Variants in TOP6BL observed in about 807,000 individuals in gnomAD.
The protein encoded by TOP6BL is type 2 DNA topoisomerase 6 subunit B-like.
chr11:66,792,027 G>T, the TOP6BL span, among the ~76,000 whole-genome samples: 1 of 152,104 alleles, frequency 6.6e-6, no homozygotes, highest in African/African-American at 2.4e-5. Flanking sequence ...TAGCCAGATG[G>T]TCTCGATCTT....
the TOP6BL span, among the ~76,000 whole-genome samples, chr11:66,794,289 A>G: frequency 2.0e-5 from 3 of 151,982 alleles, no homozygotes; most frequent in Non-Finnish European, 2.9e-5. Flanking sequence ...CCAACAATAA[A>G]AACCTACTGA....
At chr11:66,772,121 CTT>C in the TOP6BL span, among the ~76,000 whole-genome samples, 1 of 152,028 alleles carries the variant, frequency 6.6e-6, no homozygotes, top group South Asian at 2.1e-4. Context: ...TTATGGATGA[CTT>C]TGAGGGGTTC....
the TOP6BL span, among the ~76,000 whole-genome samples, chr11:66,755,544 G>C: frequency 6.6e-6 from 1 of 152,146 alleles, no homozygotes; most frequent in East Asian, 1.9e-4. Flanking sequence ...GAAAATAAAC[G>C]TGTGTGTTCA....
the TOP6BL span, chr11:66,771,739 G>C: frequency 6.3e-6 from 1 of 158,140 alleles, no homozygotes; most frequent in Admixed American, 6.5e-5. Context: ...GGAGATGGCC[G>C]AGAAGATGGT....
the TOP6BL span, among the ~76,000 whole-genome samples, chr11:66,834,391 A>G: frequency 6.6e-6 from 1 of 152,182 alleles, no homozygotes; most frequent in Non-Finnish European, 1.5e-5. Context: ...TCCTCTGGTA[A>G]TGGCCATTTA....
chr11:66,791,676 GC>G, the TOP6BL span, among the ~76,000 whole-genome samples: 4 of 152,204 alleles, frequency 2.6e-5, no homozygotes, highest in African/African-American at 9.6e-5. Context: ...GCTGTGCACG[GC>G]TGGCAGCATC....
At chr11:66,814,874 T>G in the TOP6BL span, among the ~76,000 whole-genome samples, 1 of 152,112 alleles carries the variant, frequency 6.6e-6, no homozygotes, top group Non-Finnish European at 1.5e-5. Context: ...CACACCAGCT[T>G]TGGGTGAATC....
At chr11:66,803,459 C>T in the TOP6BL span, among the ~76,000 whole-genome samples, 3 of 152,124 alleles carry the variant, frequency 2.0e-5, no homozygotes, top group Non-Finnish European at 4.4e-5. Context: ...GACAAAGTCT[C>T]GCTCTGTTGC....
chr11:66,758,194 T>C, the TOP6BL span: 3 of 935,006 alleles, frequency 3.2e-6, no homozygotes, highest in Non-Finnish European at 3.8e-6. Context: ...TGGTGCCTGC[T>C]TCCTTATTCA....
chr11:66,802,640 G>A, the TOP6BL span, among the ~76,000 whole-genome samples: 1 of 152,068 alleles, frequency 6.6e-6, no homozygotes, highest in Admixed American at 6.6e-5. Context: ...CTATTTATGT[G>A]CCCAGAGGCA....
At chr11:66,838,296 G>A in the TOP6BL span, 4 of 1,370,474 alleles carry the variant, frequency 2.9e-6, no homozygotes, top group Non-Finnish European at 4.1e-6. Flanking sequence ...AAGCCACCAG[G>A]CACACTCCTG....
chr11:66,792,542 A>T, the TOP6BL span, among the ~76,000 whole-genome samples: 2 of 152,222 alleles, frequency 1.3e-5, no homozygotes, highest in African/African-American at 2.4e-5. Flanking sequence ...TTGGAGAGGC[A>T]GCATTGGATA....
chr11:66,762,209 G>T, the TOP6BL span: 1 of 665,576 alleles, frequency 1.5e-6, no homozygotes, highest in East Asian at 2.7e-5. Context: ...CACAGCCGGA[G>T]GTGCAGGGCC....
chr11:66,823,879 T>G, the TOP6BL span, among the ~76,000 whole-genome samples: 1 of 152,156 alleles, frequency 6.6e-6, no homozygotes, highest in Non-Finnish European at 1.5e-5. Context: ...ATCTAATTCC[T>G]TGTTGAAAAA....
At chr11:66,786,937 GT>G in the TOP6BL span, among the ~76,000 whole-genome samples, 77 of 143,722 alleles carry the variant, frequency 5.4e-4, no homozygotes, top group East Asian at 2.0e-3. Flanking sequence ...TTTTTGTTTT[GT>G]TTTTTTTTTT....
the TOP6BL span, among the ~76,000 whole-genome samples, chr11:66,770,275 A>G: frequency 6.6e-6 from 1 of 152,148 alleles, no homozygotes; most frequent in African/African-American, 2.4e-5. Flanking sequence ...TAAGCTACCT[A>G]GTTTATGGTC....
the TOP6BL span, among the ~76,000 whole-genome samples, chr11:66,776,030 A>G: frequency 2.7e-4 from 40 of 149,222 alleles, 1 homozygote; most frequent in Non-Finnish European, 5.3e-4. Context: ...AATTATGACA[A>G]CTCCATCTTT....
chr11:66,799,713 C>T, the TOP6BL span, among the ~76,000 whole-genome samples: 11 of 149,782 alleles, frequency 7.3e-5, no homozygotes, highest in East Asian at 1.2e-3. Context: ...ACTGAAACTC[C>T]GTCTCAAAAA....
the TOP6BL span, among the ~76,000 whole-genome samples, chr11:66,827,624 AC>A: frequency 2.0e-5 from 3 of 151,630 alleles, no homozygotes; most frequent in Non-Finnish European, 4.4e-5. Context: ...AGTTTATATA[AC>A]CCCTTCATGA....
Sources: gnomAD v4.1 joint callset for allele counts (sites outside exome capture counted in the v4.1 genomes callset) on GRCh38, gnomAD v4.1.1 for gene constraint, MANE v1.5 for transcripts, NCBI Gene and HGNC (gene_info 2026-07-23, HGNC 2026-07-21) for gene names.